Variants in ATRN observed in about 807,000 individuals in gnomAD.
ATRN encodes attractin.
Under a neutral mutation model 178.7 loss-of-function variants are expected in ATRN, and 54 were observed. That is an observed-to-expected ratio of 0.30 (90% CI 0.24 to 0.38). The LOEUF is 0.38. ATRN is among the 10% of genes least tolerant of loss of function. The probability of loss-of-function intolerance (pLI) is 1.00; values close to 1 mark genes in which losing one functional copy is unlikely to be tolerated. For synonymous variants in ATRN, 636 were observed against 663.0 expected (o/e 0.96, Z 0.63); for missense variants, 1,443 against 1,815.1 (o/e 0.79, Z 3.73).
intron 1 of ATRN, among the ~76,000 whole-genome samples, chr20:3,500,689 G>C (rs1331847982): frequency 4.8e-5 from 6 of 124,722 alleles, no homozygotes; most frequent in African/African-American, 1.5e-4. Flanking sequence ...ACTGTTGTGG[G>C]GTGGGGGGAG....
intron 18 of ATRN, among the ~76,000 whole-genome samples, chr20:3,590,950 T>C (rs1190669761): frequency 6.6e-6 from 1 of 152,218 alleles, no homozygotes; most frequent in Admixed American, 6.5e-5. Context: ...TTAATATCAC[T>C]ATGGGCTTTC....
At chr20:3,506,795 G>T (rs1392495929) in intron 1 of ATRN, among the ~76,000 whole-genome samples, 2 of 151,824 alleles carry the variant, frequency 1.3e-5, no homozygotes, top group African/African-American at 2.4e-5. Context: ...AGAATGATCA[G>T]AAATAGACTT....
In ATRN at chr20:3,594,703, G is replaced by C. The variant is rs566127710; in HGVS notation, c.3416+131G>C. The C allele has an allele frequency of 2.5e-5, 17 of 690,564 alleles. No homozygotes were observed. In the African/African-American group the frequency reaches 2.7e-4, roughly 11 times the overall value. The allele number at this position is 690,564 out of a possible 1,614,324, so 42.8% of individuals were successfully genotyped here. On this transcript the variant is annotated intron_variant, in intron 20 of 28. Transcript: ENST00000262919. Reference sequence around the variant, plus strand: ...CTCTGAGGGATCCCTGGGTTGATTAGTTTGAAATTTTGCCCATTCTATTTC... The same window carrying C: ...CTCTGAGGGATCCCTGGGTTGATTACTTTGAAATTTTGCCCATTCTATTTC...
In ATRN at chr20:3,471,223, G is replaced by C; in HGVS notation, c.116G>C (p.Gly39Ala). Residue 39 changes from glycine (G) to alanine (A), a missense_variant, in exon 1 of 29, where the codon GGG (glycine) becomes GCG (alanine). By Grantham distance (60) the Gly-to-Ala change is moderately conservative. Transcript: ENST00000262919. The stretch of plus-strand genomic sequence containing the variant: ...TGGGACTGGGACGTGACCAGGGCTG[G>C]GAGGCCGGGGCTGGGGGCCGGGCTG... Reference protein sequence around the residue: ...PHWDWDVTRAGRPGLGAGLRL... With the variant: ...PHWDWDVTRAARPGLGAGLRL... 6.8e-7 allele frequency: 1 copy of C among 1,467,324 alleles called. No homozygotes were observed. Among genetic ancestry groups the C allele is most frequent in the Non-Finnish European group, 8.9e-7 (1 of 1,117,868 alleles). 90.9% of individuals were successfully genotyped at this position (1,467,324 alleles called of 1,614,324 possible).
At chr20:3,604,291 G>T in intron 24 of ATRN, 29 bp downstream of exon 24, 1 of 1,560,684 alleles carries the variant, frequency 6.4e-7, no homozygotes, top group African/African-American at 1.4e-5. Flanking sequence ...TCTCATACCT[G>T]CAAAGGTGGT....
At chr20:3,550,411 C>T (rs911438122) in intron 6 of ATRN, among the ~76,000 whole-genome samples, 1 of 152,128 alleles carries the variant, frequency 6.6e-6, no homozygotes, top group African/African-American at 2.4e-5. Flanking sequence ...AGTCGGGTAA[C>T]CTGTTGCCTC....
rs867487939 is a variant in ATRN, at chr20:3,554,865, C to G, written c.1113-4528C>G. The stretch of plus-strand genomic sequence containing the variant: ...AATTTCCTTCTCTTGAGCAGAAAAG[C>G]TTTTTTTAAGTTTAAAAAAAAATAG... On this transcript the variant is annotated intron_variant, in intron 6 of 28. Transcript: ENST00000262919. Among the ~76,000 whole-genome samples, 3 of 151,558 alleles carry G rather than the reference C, an allele frequency of 2.0e-5. 1 individual carries two copies. The highest frequency in any genetic ancestry group is 2.1e-4 in the South Asian group (1 of 4,814).
chr20:3,471,443 C>T lies in ATRN; in HGVS notation c.336C>T (p.Asn112=), dbSNP rs2084420941. The T allele has an allele frequency of 1.4e-6, 2 of 1,449,304 alleles. No individual in the cohort carries two copies. The highest frequency in any genetic ancestry group is 2.8e-5 in the Admixed American group (1 of 35,124). 89.8% of individuals were successfully genotyped at this position (1,449,304 alleles called of 1,614,324 possible). The change falls in exon 1 of 29, where the codon AAC becomes AAT. Residue 112 remains asparagine, a synonymous_variant. Coordinates refer to ENST00000262919, the MANE Select transcript of ATRN (RefSeq NM_139321.3). ...CCTGTGTCAACGGCGGTCGCTGCAACCCTGGCACCGGCCAGTGCGTCTGCC... is the reference window on the plus strand; with the variant it reads ...CCTGTGTCAACGGCGGTCGCTGCAATCCTGGCACCGGCCAGTGCGTCTGCC... The part of the protein sequence containing the change: ...DRPCVNGGRC[N]PGTGQCVCPA...
chr20:3,611,411 A>G (rs142318057), intron 24 of ATRN, among the ~76,000 whole-genome samples: 1 of 152,342 alleles, frequency 6.6e-6, no homozygotes, highest in African/African-American at 2.4e-5. Context: ...GGATATACAT[A>G]TGGCAAATAA....
intron 1 of ATRN, among the ~76,000 whole-genome samples, chr20:3,531,934 C>G (rs2085458796): frequency 6.6e-6 from 1 of 152,104 alleles, no homozygotes; most frequent in Non-Finnish European, 1.5e-5. Flanking sequence ...CCAGCCTGGA[C>G]AACATAGCAA....
At chr20:3,554,156 CT>C (rs1037853911) in intron 6 of ATRN, among the ~76,000 whole-genome samples, 245 of 151,246 alleles carry the variant, frequency 1.6e-3, no homozygotes, top group African/African-American at 5.4e-3. Flanking sequence ...TAGATCATAA[CT>C]TTTTTTTTCT....
chr20:3,505,482 A>G (rs147357306), intron 1 of ATRN, among the ~76,000 whole-genome samples: 2 of 152,164 alleles, frequency 1.3e-5, no homozygotes, highest in African/African-American at 4.8e-5. Flanking sequence ...GTGTGAGCCA[A>G]TTTCCTTAAT....
Position 3,647,542 on chromosome 20 carries a change from C to G in ATRN, c.*695C>G, listed in dbSNP as rs1005854905. 6.6e-6 allele frequency: 1 copy of G among 152,088 alleles called. No homozygotes were observed. The highest frequency in any genetic ancestry group is 2.4e-5 in the African/African-American group (1 of 41,372). The allele number at this position is 152,088 out of a possible 1,614,324, so 9.4% of individuals were successfully genotyped here. A position where few individuals can be genotyped will look rare whatever the true frequency, so the allele number is the denominator to read the frequency against. ...TAATTTAGTCTTAATCCATTTGAAA[C>G]TCTCTCTTCCTTTCTCTCTGCCTGT... On this transcript the variant is annotated 3_prime_UTR_variant, in exon 29 of 29. Transcript: ENST00000262919.
rs1213353221 is a variant in ATRN, at chr20:3,638,471, T to C, written c.3943-357T>C. On this transcript the variant is annotated intron_variant, in intron 26 of 28. Transcript: ENST00000262919. The surrounding 1 kb of genome is among the most constrained non-coding windows in gnomAD (Gnocchi z 4.5). ...TGCAAAGGATATGAACTCATTTATTTTATGGCCGCATAGTATTCCATGGTG... is the reference window on the plus strand; with the variant it reads ...TGCAAAGGATATGAACTCATTTATTCTATGGCCGCATAGTATTCCATGGTG... Among the ~76,000 whole-genome samples the C allele has an allele frequency of 1.3e-5, 2 of 152,248 alleles. No individual in the cohort carries two copies. Among genetic ancestry groups the C allele is most frequent in the Admixed American group, 6.5e-5 (1 of 15,286 alleles).
rs527930634 is a variant in ATRN, at chr20:3,637,298, C to T, written c.3943-1530C>T. Reference sequence around the variant, plus strand: ...TAAAAACAATAGTAGTAGCGGCTGACGCTGTTTAGTCCTTGCTACACACCA... The same window carrying T: ...TAAAAACAATAGTAGTAGCGGCTGATGCTGTTTAGTCCTTGCTACACACCA... On this transcript the variant is annotated intron_variant, in intron 26 of 28. Transcript: ENST00000262919. Among the ~76,000 whole-genome samples the T allele has an allele frequency of 1.1e-4, 16 of 152,288 alleles. No homozygotes were observed. The East Asian group carries it at 1.4e-3, about 13-fold the overall frequency.
chr20:3,565,637 G>A (rs937854247), intron 11 of ATRN, among the ~76,000 whole-genome samples: 14 of 151,894 alleles, frequency 9.2e-5, no homozygotes, highest in African/African-American at 3.4e-4. Flanking sequence ...TTGGTAGTGC[G>A]TGCCTGTAAT....
intron 1 of ATRN, among the ~76,000 whole-genome samples, chr20:3,509,813 T>G (rs1233199030): frequency 6.6e-6 from 1 of 152,156 alleles, no homozygotes; most frequent in East Asian, 1.9e-4. Context: ...CACAAATTTT[T>G]TATTTGTAAA....
chr20:3,646,252 TA>T (rs1204250277), intron 28 of ATRN, among the ~76,000 whole-genome samples: 1 of 152,146 alleles, frequency 6.6e-6, no homozygotes, highest in African/African-American at 2.4e-5. Flanking sequence ...GACTGAGTGA[TA>T]GGGGTGAATC....
At chr20:3,496,211 T>C (rs903134895) in intron 1 of ATRN, among the ~76,000 whole-genome samples, 2 of 151,204 alleles carry the variant, frequency 1.3e-5, no homozygotes, top group African/African-American at 4.9e-5. Flanking sequence ...ATGTGTTTGC[T>C]CTTGCTTTTC....
Sources: gnomAD v4.1 joint callset for allele counts (sites outside exome capture counted in the v4.1 genomes callset) on GRCh38, gnomAD v4.1.1 for gene constraint, Gnocchi (gnomAD v3.1) non-coding constraint, MANE v1.5 for transcripts, NCBI Gene and HGNC (gene_info 2026-07-23, HGNC 2026-07-21) for gene names.